Variants in ZNF12 observed in about 807,000 individuals in gnomAD.
ZNF12 encodes the protein gonadotropin inducible transcription repressor 3.
A neutral mutation model predicts 66.6 loss-of-function variants in ZNF12; 34 were observed. The observed-to-expected ratio is 0.51, with a 90% CI of 0.39 to 0.68. The LOEUF (loss-of-function observed/expected upper bound fraction) is 0.68. Ranked by LOEUF, ZNF12 falls within the 30% of genes least tolerant of loss-of-function variation. The pLI is 0.00. For missense variants in ZNF12, 697 were observed against 826.9 expected (o/e 0.84, Z 1.93); for synonymous variants, 320 against 278.9 (o/e 1.15, Z -1.47).
chr7:6,697,901 A>G lies in ZNF12; in HGVS notation c.16-90T>C, dbSNP rs1284965925. The G allele has an allele frequency of 1.5e-6, 2 of 1,352,652 alleles. No homozygotes were observed. Among genetic ancestry groups the G allele is most frequent in the Non-Finnish European group, 1.1e-6 (1 of 945,790 alleles). 83.8% of individuals were successfully genotyped at this position (1,352,652 alleles called of 1,614,324 possible). ...ATGCTCACTGGCAAAATTAACCATG[A>G]ACACTGTATACCTTTATTTTATGTT... On this transcript the variant is annotated intron_variant, in intron 2 of 4. Transcript: ENST00000405858. This position sits in a 1 kb window ranked among gnomAD's most constrained non-coding sequence, Gnocchi z 6.1.
Position 6,692,744 on chromosome 7 carries a change from T to C in ZNF12, c.239-41A>G. Reference sequence around the variant, plus strand: ...ATTAATAAACTTTTGTACATCTTCCTATATATATATGATATGGAATGAGAT... The same window carrying C: ...ATTAATAAACTTTTGTACATCTTCCCATATATATATGATATGGAATGAGAT... On this transcript the variant is annotated intron_variant, in intron 4 of 4. Transcript: ENST00000405858. This position sits in a 1 kb window ranked among gnomAD's most constrained non-coding sequence, Gnocchi z 5.1. The C allele has an allele frequency of 7.4e-6, 11 of 1,480,144 alleles. No homozygotes were observed. The highest frequency in any genetic ancestry group is 9.0e-6 in the Non-Finnish European group (10 of 1,105,278). 91.7% of individuals were successfully genotyped at this position (1,480,144 alleles called of 1,614,324 possible).
chr7:6,692,291 A>C lies in ZNF12; in HGVS notation c.651T>G (p.Phe217Leu). 1 of 1,611,692 alleles carries C rather than the reference A, an allele frequency of 6.2e-7. No individual in the cohort carries two copies. Among genetic ancestry groups the C allele is most frequent in the Non-Finnish European group, 8.5e-7 (1 of 1,179,204 alleles). ...AGGCTTTCTGGCATTCAATATATTC[A>C]AAAGGTTTCTCCAAAATACGAATTT... ...YQKIRILEKP[F>L]EYIECQKAFQ... is the part of the protein sequence containing the mutation. The change falls in exon 5 of 5, where the codon TTT (phenylalanine) becomes TTG (leucine). Residue 217 changes from phenylalanine (F) to leucine (L), a missense_variant. Physicochemically the swap from Phe to Leu is conservative, Grantham distance 22. Transcript: ENST00000405858. This position sits in a 1 kb window ranked among gnomAD's most constrained non-coding sequence, Gnocchi z 5.1.
intron 4 of ZNF12, among the ~76,000 whole-genome samples, chr7:6,693,544 T>C (rs1780106670): frequency 6.6e-6 from 1 of 152,210 alleles, no homozygotes; most frequent in Non-Finnish European, 1.5e-5. Flanking sequence ...TTGTTCCTAT[T>C]TGAACAGTAT....
In ZNF12 at chr7:6,696,588, G is replaced by A. The variant is rs1780158635; in HGVS notation, c.238+751C>T. 6.6e-6 allele frequency among the ~76,000 whole-genome samples: 1 copy of A among 152,140 alleles called. No individual in the cohort carries two copies. The highest frequency in any genetic ancestry group is 2.4e-5 in the African/African-American group (1 of 41,430). Reference sequence around the variant, plus strand: ...CTCATAATGCGAGGAAATCACAGTAGGTAGAAACAGACCCTTTAAAGACAT... The same window carrying A: ...CTCATAATGCGAGGAAATCACAGTAAGTAGAAACAGACCCTTTAAAGACAT... On this transcript the variant is annotated intron_variant, in intron 4 of 4. Coordinates refer to ENST00000405858, the MANE Select transcript of ZNF12 (RefSeq NM_016265.4). The surrounding 1 kb of genome is among the most constrained non-coding windows in gnomAD (Gnocchi z 4.0).
At position 6,706,456 on chromosome 7, in the gene ZNF12, C is replaced by T. The variant is rs1176489167; in HGVS notation, c.-75G>A. ...CCCTCCTGGGGCTCCGCAGCCTCTGCCCCACCGCTCCCGACAGGCCGGGGC... is the reference window on the plus strand; with the variant it reads ...CCCTCCTGGGGCTCCGCAGCCTCTGTCCCACCGCTCCCGACAGGCCGGGGC... On this transcript the variant is annotated 5_prime_UTR_variant, in exon 1 of 5. Coordinates refer to ENST00000405858, the MANE Select transcript of ZNF12 (RefSeq NM_016265.4). 6.3e-6 allele frequency: 3 copies of T among 478,142 alleles called. No homozygotes were observed. Among genetic ancestry groups the T allele is most frequent in the Admixed American group, 4.4e-5 (2 of 45,326 alleles). The allele number at this position is 478,142 out of a possible 1,614,324, so 29.6% of individuals were successfully genotyped here. A position where few individuals can be genotyped will look rare whatever the true frequency, so the allele number is the denominator to read the frequency against.
chr7:6,699,736 G>A (rs1461236804), intron 2 of ZNF12, among the ~76,000 whole-genome samples: 1 of 152,172 alleles, frequency 6.6e-6, no homozygotes, highest in Non-Finnish European at 1.5e-5. Flanking sequence ...ATGTCCACCT[G>A]ATATCTGTCA....
At chr7:6,699,208 G>A (rs1483570788) in intron 2 of ZNF12, among the ~76,000 whole-genome samples, 2 of 152,178 alleles carry the variant, frequency 1.3e-5, no homozygotes, top group African/African-American at 2.4e-5. Flanking sequence ...AGGTGTGGAA[G>A]GAAAGGCCAT....
At chr7:6,699,904 A>G (rs1462501219) in intron 2 of ZNF12, among the ~76,000 whole-genome samples, 1 of 152,208 alleles carries the variant, frequency 6.6e-6, no homozygotes, top group Non-Finnish European at 1.5e-5. Flanking sequence ...CTATGACTAC[A>G]ATAAGTGTGA....
At chr7:6,704,373 T>C (rs189981586) in intron 2 of ZNF12, 1 of 151,036 alleles carries the variant, frequency 6.6e-6, no homozygotes, top group East Asian at 2.0e-4. Context: ...GAGAAGGCCA[T>C]TTCTGCAACG....
In ZNF12 at chr7:6,706,466, C is replaced by T. The variant is rs755040692; in HGVS notation, c.-85G>A. 8.4e-6 allele frequency: 4 copies of T among 478,214 alleles called. No homozygotes were observed. Among genetic ancestry groups the T allele is most frequent in the South Asian group, 6.0e-5 (4 of 66,248 alleles). 29.6% of individuals were successfully genotyped at this position (478,214 alleles called of 1,614,324 possible). A position where few individuals can be genotyped will look rare whatever the true frequency, so the allele number is the denominator to read the frequency against. On this transcript the variant is annotated 5_prime_UTR_variant, in exon 1 of 5. Transcript: ENST00000405858. ...GCTCCGCAGCCTCTGCCCCACCGCT[C>T]CCGACAGGCCGGGGCGGGATTGCTG... is the stretch of plus-strand genomic sequence containing the variant.
chr7:6,706,174 C>A (rs1353598967), intron 1 of ZNF12, among the ~76,000 whole-genome samples: 3 of 152,144 alleles, frequency 2.0e-5, no homozygotes, highest in Non-Finnish European at 1.5e-5. Flanking sequence ...CGTTTAGATA[C>A]GGTAGCAATC....
At position 6,691,409 on chromosome 7, in the gene ZNF12, A is replaced by G; in HGVS notation, c.1533T>C (p.His511=). The part of the protein sequence containing the change: ...LFSQLSYLTI[H]HRTHSGVKPY... Reference sequence around the variant, plus strand: ...GTTTTACTCCTGAATGAGTTCTATGATGGATAGTGAGGTATGACAACTGGG... The same window carrying G: ...GTTTTACTCCTGAATGAGTTCTATGGTGGATAGTGAGGTATGACAACTGGG... Residue 511 remains histidine (H), a synonymous_variant, in exon 5 of 5, where the codon CAT becomes CAC. Coordinates refer to ENST00000405858, the MANE Select transcript of ZNF12 (RefSeq NM_016265.4). 2 of 1,614,004 alleles carry G rather than the reference A, an allele frequency of 1.2e-6. No homozygotes were observed. Among genetic ancestry groups the G allele is most frequent in the Non-Finnish European group, 1.7e-6 (2 of 1,179,920 alleles).
In ZNF12 at chr7:6,692,726, A is replaced by C. The variant is rs776485217; in HGVS notation, c.239-23T>G. 6 of 1,534,112 alleles carry C rather than the reference A, an allele frequency of 3.9e-6. No homozygotes were observed. The highest frequency in any genetic ancestry group is 1.3e-5 in the South Asian group (1 of 76,300). ...CATCTAAAGAGAGACAAAATTAATA[A>C]ACTTTTGTACATCTTCCTATATATA... is the stretch of plus-strand genomic sequence containing the variant. On this transcript the variant is annotated intron_variant, in intron 4 of 4. Coordinates refer to ENST00000405858, the MANE Select transcript of ZNF12 (RefSeq NM_016265.4). This position sits in a 1 kb window ranked among gnomAD's most constrained non-coding sequence, Gnocchi z 5.1.
In ZNF12 at chr7:6,694,932, C is replaced by CT. The variant is rs774746726; in HGVS notation, c.239-2230dup. On this transcript the variant is annotated intron_variant, in intron 4 of 4. Coordinates refer to ENST00000405858, the MANE Select transcript of ZNF12 (RefSeq NM_016265.4). The stretch of plus-strand genomic sequence containing the variant: ...TAATTACTTCATGCAGCGCTGTTCT[C>CT]TTTTTTTTTGAGACGGAGTCTTGCT... 4.0e-3 allele frequency among the ~76,000 whole-genome samples: 599 copies of CT among 151,574 alleles called. 2 individuals are homozygous for CT. The highest frequency in any genetic ancestry group is 0.013 in the African/African-American group (540 of 41,368).
chr7:6,690,711 G>T lies in ZNF12; in HGVS notation c.*137C>A. ...ATGGTTTCCATTCTGTGAGTCTTCA[G>T]ATTATGAGTCCAACACACAAGGGGA... On this transcript the variant is annotated 3_prime_UTR_variant, in exon 5 of 5. Transcript: ENST00000405858. 3 of 863,314 alleles carry T rather than the reference G, an allele frequency of 3.5e-6. No homozygotes were observed. The highest frequency in any genetic ancestry group is 5.2e-6 in the Non-Finnish European group (3 of 581,082). The allele number at this position is 863,314 out of a possible 1,614,324, so 53.5% of individuals were successfully genotyped here.
At chr7:6,694,938 T>G (rs1161946536) in intron 4 of ZNF12, among the ~76,000 whole-genome samples, 1 of 152,224 alleles carries the variant, frequency 6.6e-6, no homozygotes, top group Non-Finnish European at 1.5e-5. Flanking sequence ...TTCTCTTTTT[T>G]TTTGAGACGG....
chr7:6,692,106 C>G lies in ZNF12; in HGVS notation c.836G>C (p.Cys279Ser), dbSNP rs1780078377. 6.2e-7 allele frequency: 1 copy of G among 1,613,880 alleles called. No homozygotes were observed. Among genetic ancestry groups the G allele is most frequent in the South Asian group, 1.1e-5 (1 of 91,074 alleles). ...ATGTATAATAAATTTTGACTTTTTACAGAAGGATTTCCCACATTCACTGCA... is the reference window on the plus strand; with the variant it reads ...ATGTATAATAAATTTTGACTTTTTAGAGAAGGATTTCCCACATTCACTGCA... ...YECSECGKSF[C>S]KKSKFIIHQR... is the part of the protein sequence containing the mutation. The change falls in exon 5 of 5, where the codon TGT becomes TCT. Residue 279 changes from cysteine (C) to serine (S), a missense_variant. Physicochemically the swap from Cys to Ser is moderately radical, Grantham distance 112. Around this residue, in one of 3 missense-constraint regions of ZNF12, gnomAD observed 401 missense variants for 519.0 expected, o/e 0.77. Coordinates refer to ENST00000405858, the MANE Select transcript of ZNF12 (RefSeq NM_016265.4). This position sits in a 1 kb window ranked among gnomAD's most constrained non-coding sequence, Gnocchi z 5.1.
At position 6,697,406 on chromosome 7, in the gene ZNF12, G is replaced by A; in HGVS notation, c.171C>T (p.Ile57=). Residue 57 remains isoleucine, a synonymous_variant, in exon 4 of 5, where the codon ATC becomes ATT. Coordinates refer to ENST00000405858, the MANE Select transcript of ZNF12 (RefSeq NM_016265.4). The surrounding 1 kb of genome is among the most constrained non-coding windows in gnomAD (Gnocchi z 6.1). Reference sequence around the variant, plus strand: ...GCTCTTCTCCTTGCTCCAACTTGCTGATAACATCCGGTTTGATAATGTGAT... The same window carrying A: ...GCTCTTCTCCTTGCTCCAACTTGCTAATAACATCCGGTTTGATAATGTGAT... ...VGYHIIKPDV[I]SKLEQGEEPW... The A allele has an allele frequency of 6.2e-7, 1 of 1,612,508 alleles. No individual in the cohort carries two copies.
chr7:6,704,577 A>G (rs1389834451), intron 2 of ZNF12, among the ~76,000 whole-genome samples: 1 of 145,710 alleles, frequency 6.9e-6, no homozygotes, highest in East Asian at 2.0e-4. Flanking sequence ...TTAAAAAAAA[A>G]AAAAAAAAAA....
Sources: allele counts gnomAD v4.1 joint callset (sites outside exome capture counted in the v4.1 genomes callset), GRCh38; gene constraint gnomAD v4.1.1; regional missense constraint gnomAD v4.1.1; non-coding constraint Gnocchi (gnomAD v3.1); transcripts MANE v1.5; gene names NCBI Gene and HGNC (gene_info 2026-07-23, HGNC 2026-07-21).